The following NUDCD3 variants were observed in gnomAD, a reference collection of about 807,000 sequenced individuals.
The protein encoded by NUDCD3 is nudC domain-containing protein 3.
A neutral mutation model predicts 39.7 loss-of-function variants in NUDCD3; 13 were observed. The observed-to-expected ratio is 0.33, with a 90% CI of 0.21 to 0.52. The LOEUF is 0.52. Ranked by LOEUF, NUDCD3 falls within the 20% of genes least tolerant of loss-of-function variation. The probability of loss-of-function intolerance (pLI) is 0.96; values close to 1 mark genes in which losing one functional copy is unlikely to be tolerated. For missense variants in NUDCD3, 453 were observed against 458.1 expected (o/e 0.99, Z 0.10); for synonymous variants, 175 against 172.4 (o/e 1.02, Z -0.12).
intron 3 of NUDCD3, among the ~76,000 whole-genome samples, chr7:44,412,019 A>G (rs1406226202): frequency 1.3e-5 from 2 of 152,188 alleles, no homozygotes; most frequent in Non-Finnish European, 2.9e-5. Flanking sequence ...CTTAGATACA[A>G]TCTTGTGGCA....
At chr7:44,477,893 G>A (rs1185397174) in intron 2 of NUDCD3, among the ~76,000 whole-genome samples, 1 of 148,080 alleles carries the variant, frequency 6.8e-6, no homozygotes, top group Non-Finnish European at 1.5e-5. Context: ...GAGTGCAGTG[G>A]CACAATCTCA....
intron 2 of NUDCD3, among the ~76,000 whole-genome samples, chr7:44,472,755 C>G (rs76230688): frequency 1.3e-5 from 2 of 152,054 alleles, no homozygotes. Flanking sequence ...CAAAAGTGAA[C>G]GACATTTCAA....
intron 3 of NUDCD3, among the ~76,000 whole-genome samples, chr7:44,405,073 C>G (rs552606474): frequency 2.4e-4 from 37 of 152,348 alleles, no homozygotes; most frequent in East Asian, 2.3e-3. Flanking sequence ...CCTCTTCCTT[C>G]CATGAGCCAC....
intron 2 of NUDCD3, among the ~76,000 whole-genome samples, chr7:44,429,534 C>T (rs541887977): frequency 1.3e-5 from 2 of 152,272 alleles, no homozygotes; most frequent in East Asian, 3.9e-4. Flanking sequence ...TCAGACTTCC[C>T]CTCTAGGAAC....
chr7:44,487,613 A>C (rs570974919), intron 1 of NUDCD3, among the ~76,000 whole-genome samples: 1 of 152,164 alleles, frequency 6.6e-6, no homozygotes, highest in Admixed American at 6.5e-5. Flanking sequence ...TCAATACTGA[A>C]ATCACCTTTA....
intron 3 of NUDCD3, among the ~76,000 whole-genome samples, chr7:44,419,516 C>T (rs1563171034): frequency 6.6e-6 from 1 of 152,188 alleles, no homozygotes; most frequent in African/African-American, 2.4e-5. Flanking sequence ...CAGACTGCCT[C>T]CTCAAGTGGG....
At chr7:44,457,385 C>T (rs546847206) in intron 2 of NUDCD3, among the ~76,000 whole-genome samples, 1 of 152,040 alleles carries the variant, frequency 6.6e-6, no homozygotes, top group Non-Finnish European at 1.5e-5. Context: ...TATCTGTTTG[C>T]AAATGAAAAG....
chr7:44,421,798 A>G lies in NUDCD3; in HGVS notation c.642+5773T>C, dbSNP rs867322131. On this transcript the variant is annotated intron_variant, in intron 3 of 5. Coordinates refer to ENST00000355451, the MANE Select transcript of NUDCD3 (RefSeq NM_015332.4). The stretch of plus-strand genomic sequence containing the variant: ...ACAAGGATATTCAGGACTTGAACTC[A>G]GCTCTGGACCAAGCTGACCTAATCC... Among the ~76,000 whole-genome samples the G allele has an allele frequency of 2.5e-4, 38 of 152,094 alleles. 1 individual carries two copies. The highest frequency in any genetic ancestry group is 9.2e-4 in the African/African-American group (38 of 41,432).
chr7:44,426,775 G>A (rs1332429589), intron 3 of NUDCD3, among the ~76,000 whole-genome samples: 5 of 142,954 alleles, frequency 3.5e-5, no homozygotes, highest in Middle Eastern at 8.3e-3. Context: ...CAGCCTGGGC[G>A]ACAGAGCGAG....
At chr7:44,434,779 T>C (rs1029535755) in intron 2 of NUDCD3, among the ~76,000 whole-genome samples, 2 of 152,180 alleles carry the variant, frequency 1.3e-5, no homozygotes, top group African/African-American at 4.8e-5. Context: ...CAAGCCCAGC[T>C]TCCCCGCACA....
chr7:44,381,697 G>T lies in NUDCD3; in HGVS notation c.*4314C>A, dbSNP rs890943475. 1.4e-4 allele frequency: 21 copies of T among 152,202 alleles called. 1 individual carries two copies. The highest frequency in any genetic ancestry group is 1.5e-5 in the Non-Finnish European group (1 of 68,058). 9.4% of individuals were successfully genotyped at this position (152,202 alleles called of 1,614,324 possible). Reference sequence around the variant, plus strand: ...GTTTCCTAAGCTGTCCTTCTCCAGGGAGAATAGCCTCAGCCCTGCCTGACA... The same window carrying T: ...GTTTCCTAAGCTGTCCTTCTCCAGGTAGAATAGCCTCAGCCCTGCCTGACA... On this transcript the variant is annotated 3_prime_UTR_variant, in exon 6 of 6. Transcript: ENST00000355451.
chr7:44,391,060 T>G lies in NUDCD3; in HGVS notation c.975+1237A>C, dbSNP rs183069236. 5.0e-4 allele frequency among the ~76,000 whole-genome samples: 76 copies of G among 152,216 alleles called. 1 individual carries two copies. The East Asian group carries it at 0.013, about 27-fold the overall frequency. On this transcript the variant is annotated intron_variant, in intron 5 of 5. Coordinates refer to ENST00000355451, the MANE Select transcript of NUDCD3 (RefSeq NM_015332.4). Reference sequence around the variant, plus strand: ...ACAGGGCTGTGAGGACAGACAGGTGTGAAATCAAATCAGAGGTCAAACCCC... The same window carrying G: ...ACAGGGCTGTGAGGACAGACAGGTGGGAAATCAAATCAGAGGTCAAACCCC...
At chr7:44,488,338 G>GAAAAA (rs368893785) in intron 1 of NUDCD3, among the ~76,000 whole-genome samples, 1 of 108,248 alleles carries the variant, frequency 9.2e-6, no homozygotes, top group African/African-American at 3.5e-5. Flanking sequence ...CCATCTCCAG[G>GAAAAA]AAAAAAAAAA....
At chr7:44,443,460 G>C (rs1168448346) in intron 2 of NUDCD3, among the ~76,000 whole-genome samples, 2 of 151,796 alleles carry the variant, frequency 1.3e-5, no homozygotes, top group African/African-American at 4.8e-5. Context: ...GCCCAGGCTG[G>C]AGTGCAGTGG....
chr7:44,486,718 C>T (rs574960610), intron 1 of NUDCD3, among the ~76,000 whole-genome samples: 1 of 152,182 alleles, frequency 6.6e-6, no homozygotes, highest in Non-Finnish European at 1.5e-5. Context: ...AGCAAAGCAA[C>T]AAGATCTCTC....
At chr7:44,433,622 G>A (rs763758932) in intron 2 of NUDCD3, among the ~76,000 whole-genome samples, 65 of 152,254 alleles carry the variant, frequency 4.3e-4, no homozygotes, top group Middle Eastern at 3.4e-3. Context: ...TGTGATGTAC[G>A]TGCCATGGGT....
In NUDCD3 at chr7:44,403,985, A is replaced by G. The variant is rs140070420; in HGVS notation, c.786+455T>C. ...GCCCAGGCGTGCAGCCCAATTTGTG[A>G]GCGAGTCTGCTAACTGGTAACATGT... On this transcript the variant is annotated intron_variant, in intron 4 of 5. Transcript: ENST00000355451. Among the ~76,000 whole-genome samples, 5 of 152,296 alleles carry G rather than the reference A, an allele frequency of 3.3e-5. No homozygotes were observed. The East Asian group carries it at 9.6e-4, about 29-fold the overall frequency.
At position 44,490,465 on chromosome 7, in the gene NUDCD3, G is replaced by A; in HGVS notation, c.136C>T (p.His46Tyr). The change falls in exon 1 of 6, where the codon CAC becomes TAC. Residue 46 changes from histidine (H) to tyrosine (Y), a missense_variant. His to Tyr is a moderately conservative substitution (Grantham distance 83, BLOSUM62 2). Transcript: ENST00000355451. ...GGGAAGCCCATGCGGTCCGATGGGT[G>A]GCGCAGCAAGCGATAGAAGTCTGTC... ...RKTDFYRLLR[H>Y]PSDRMGFPPG... 4.4e-6 allele frequency: 7 copies of A among 1,602,198 alleles called. No homozygotes were observed. Among genetic ancestry groups the A allele is most frequent in the South Asian group, 1.1e-5 (1 of 89,490 alleles).
intron 4 of NUDCD3, among the ~76,000 whole-genome samples, chr7:44,397,841 T>A (rs569180919): frequency 3.0e-4 from 46 of 152,284 alleles, no homozygotes; most frequent in African/African-American, 1.1e-3. Flanking sequence ...TAACTTATGA[T>A]GATTTACGGA....
Sources: gnomAD v4.1 joint callset for allele counts (sites outside exome capture counted in the v4.1 genomes callset) on GRCh38, gnomAD v4.1.1 for gene constraint, MANE v1.5 for transcripts, NCBI Gene and HGNC (gene_info 2026-07-23, HGNC 2026-07-21) for gene names.